The following TMED3 variants were observed in gnomAD, a reference collection of about 807,000 sequenced individuals.
TMED3 encodes the protein transmembrane p24 trafficking protein 3.
Under a neutral mutation model 15.0 loss-of-function variants are expected in TMED3, and 9 were observed. That is an observed-to-expected ratio of 0.60 (90% CI 0.36 to 1.04). The LOEUF is 1.04. TMED3 is among the 50% of genes least tolerant of loss of function. TMED3 has a pLI of 0.01. For missense variants in TMED3, 267 were observed against 278.9 expected (o/e 0.96, Z 0.30); for synonymous variants, 117 against 121.4 (o/e 0.96, Z 0.24).
intron 2 of TMED3, among the ~76,000 whole-genome samples, chr15:79,333,564 A>G (rs904694069): frequency 6.6e-6 from 1 of 152,212 alleles, no homozygotes; most frequent in Non-Finnish European, 1.5e-5. Flanking sequence ...GACCATAGGA[A>G]GAAATAGTCT....
chr15:79,353,558 C>A (rs1373914698), intron 2 of TMED3, among the ~76,000 whole-genome samples: 1 of 125,540 alleles, frequency 8.0e-6, no homozygotes, highest in Non-Finnish European at 1.6e-5. Context: ...CAGATTTTAA[C>A]CACTGGGGGT....
rs1220614918 is a variant in TMED3 at position 79,322,069 on chromosome 15, C to A, written c.509C>A (p.Ala170Asp). Residue 170 changes from alanine (A) to aspartate (D), a missense_variant, in exon 3 of 3, where the codon GCC becomes GAC. By Grantham distance (126) the Ala-to-Asp change is moderately radical (BLOSUM62 -2). Around this residue, in one of 3 missense-constraint regions of TMED3, gnomAD observed 139 missense variants for 125.0 expected, o/e 1.11. Coordinates refer to ENST00000299705, the MANE Select transcript of TMED3 (RefSeq NM_007364.4). ...HYRLREAQDRARAEDLNSRVS... is the reference protein window; with the variant it reads ...HYRLREAQDRDRAEDLNSRVS... ...CGGCTGCGGGAGGCCCAGGACCGGG[C>A]CCGAGCAGAAGACCTTAATAGCCGA... 4 of 1,614,222 alleles carry A rather than the reference C, an allele frequency of 2.5e-6. No individual in the cohort carries two copies. The Admixed American group carries it at 6.7e-5, about 27-fold the overall frequency.
At chr15:79,361,700 T>G (rs114755457) in intron 2 of TMED3, among the ~76,000 whole-genome samples, 1 of 121,910 alleles carries the variant, frequency 8.2e-6, no homozygotes, top group Non-Finnish European at 1.7e-5. Flanking sequence ...CAATAACTTA[T>G]GGAAATAAAA....
At chr15:79,387,416 C>A (rs1011920468) in intron 2 of TMED3, among the ~76,000 whole-genome samples, 2 of 152,158 alleles carry the variant, frequency 1.3e-5, no homozygotes, top group Non-Finnish European at 2.9e-5. Flanking sequence ...ATTTGTCAAT[C>A]CCTGTGCAAA....
intron 2 of TMED3, among the ~76,000 whole-genome samples, chr15:79,371,191 A>G (rs1029499387): frequency 6.6e-6 from 1 of 152,222 alleles, no homozygotes; most frequent in African/African-American, 2.4e-5. Flanking sequence ...AAAGGAATTG[A>G]TTAGGATGCA....
chr15:79,357,712 G>A (rs2058925108), intron 2 of TMED3, among the ~76,000 whole-genome samples: 3 of 151,964 alleles, frequency 2.0e-5, no homozygotes, highest in Non-Finnish European at 1.5e-5. Flanking sequence ...AGTCCACTCT[G>A]ATTTCAGTTG....
intron 2 of TMED3, among the ~76,000 whole-genome samples, chr15:79,400,331 G>T (rs564308702): frequency 6.6e-6 from 1 of 151,884 alleles, no homozygotes; most frequent in Non-Finnish European, 1.5e-5. Flanking sequence ...TGGCTTCTTC[G>T]GTGATCTGTA....
At chr15:79,348,284 A>G (rs904111546) in intron 2 of TMED3, among the ~76,000 whole-genome samples, 1 of 152,234 alleles carries the variant, frequency 6.6e-6, no homozygotes, top group Admixed American at 6.5e-5. Flanking sequence ...CAAAATGGTG[A>G]CACTTATCAA....
intron 2 of TMED3, chr15:79,383,078 G>A: frequency 6.6e-7 from 1 of 1,509,594 alleles, no homozygotes; most frequent in African/African-American, 1.4e-5. Context: ...TGCTCCACGG[G>A]ACATGGCTCT....
chr15:79,311,145 G>A lies in TMED3; in HGVS notation c.-105G>A, dbSNP rs1465111241. On this transcript the variant is annotated 5_prime_UTR_variant, in exon 1 of 3. Coordinates refer to ENST00000299705, the MANE Select transcript of TMED3 (RefSeq NM_007364.4). Reference sequence around the variant, plus strand: ...AAGCGCAGAGCTCCGCTGGTGCCACGTCTATCCCCTTACATCCTCCTAGGA... The same window carrying A: ...AAGCGCAGAGCTCCGCTGGTGCCACATCTATCCCCTTACATCCTCCTAGGA... The A allele has an allele frequency of 3.2e-5, 42 of 1,299,386 alleles. No individual in the cohort carries two copies. The highest frequency in any genetic ancestry group is 4.2e-5 in the Non-Finnish European group (41 of 979,424). 80.5% of individuals were successfully genotyped at this position (1,299,386 alleles called of 1,614,324 possible). A position where few individuals can be genotyped will look rare whatever the true frequency, so the allele number is the denominator to read the frequency against.
chr15:79,331,597 G>A (rs2141223682), intron 2 of TMED3, among the ~76,000 whole-genome samples: 1 of 135,134 alleles, frequency 7.4e-6, no homozygotes, highest in South Asian at 2.3e-4. Context: ...CACAGCAAAA[G>A]ACACAGAGTG....
intron 2 of TMED3, among the ~76,000 whole-genome samples, chr15:79,392,820 C>T (rs1893714260): frequency 6.6e-6 from 1 of 152,162 alleles, no homozygotes; most frequent in Admixed American, 6.5e-5. Context: ...CATTCAGTAC[C>T]ACCCTTATCT....
At position 79,311,221 on chromosome 15, in the gene TMED3, G is replaced by A. The variant is rs1402681039; in HGVS notation, c.-29G>A. The A allele has an allele frequency of 2.5e-6, 4 of 1,570,682 alleles. No individual in the cohort carries two copies. In the South Asian group the frequency reaches 4.6e-5, roughly 18 times the overall value. ...CCGCCGGGGGCGCAGCGCCCGAGCC[G>A]CGGCCCTCGAGACGGGACCGAGAGC... On this transcript the variant is annotated 5_prime_UTR_variant, in exon 1 of 3. Transcript: ENST00000299705.
chr15:79,329,865 A>G (rs780073771), intron 2 of TMED3, among the ~76,000 whole-genome samples: 78 of 152,366 alleles, frequency 5.1e-4, no homozygotes, highest in Non-Finnish European at 8.7e-4. Context: ...GCAGCATGAT[A>G]AATATACTCT....
At chr15:79,410,309 A>G (rs756656222) in intron 2 of TMED3, among the ~76,000 whole-genome samples, 1 of 152,218 alleles carries the variant, frequency 6.6e-6, no homozygotes, top group African/African-American at 2.4e-5. Flanking sequence ...CTAATTCAGG[A>G]TATTAATAAT....
At chr15:79,370,646 A>G (rs748250801) in intron 2 of TMED3, among the ~76,000 whole-genome samples, 2 of 152,022 alleles carry the variant, frequency 1.3e-5, no homozygotes, top group Non-Finnish European at 2.9e-5. Context: ...TCTGTGTCTG[A>G]TTTTATGACC....
intron 2 of TMED3, among the ~76,000 whole-genome samples, chr15:79,343,659 G>A (rs1026479529): frequency 5.3e-5 from 8 of 152,268 alleles, no homozygotes; most frequent in Middle Eastern, 3.4e-3. Context: ...AGGGAGTGAG[G>A]AGCTACTGCC....
At position 79,373,830 on chromosome 15, in the gene TMED3, G is replaced by T. The variant is rs1893383779; in HGVS notation, c.418-37570G>T. Among the ~76,000 whole-genome samples the T allele has an allele frequency of 2.6e-5, 4 of 152,288 alleles. No individual in the cohort carries two copies. The East Asian group carries it at 7.7e-4, about 29-fold the overall frequency. On this transcript the variant is annotated intron_variant, in intron 2 of 2. Transcript: ENST00000424155. ...GGAAAGACAGGACAACTCGAAGCAG[G>T]GGCTTACAGGTCATAGGTGGATTCA...
chr15:79,405,872 C>T (rs1316834826), intron 2 of TMED3, among the ~76,000 whole-genome samples: 2 of 152,202 alleles, frequency 1.3e-5, no homozygotes, highest in South Asian at 2.1e-4. Flanking sequence ...ATGTGTACTC[C>T]TGTCCTTCCC....
Sources: allele counts gnomAD v4.1 joint callset (sites outside exome capture counted in the v4.1 genomes callset), GRCh38; gene constraint gnomAD v4.1.1; regional missense constraint gnomAD v4.1.1; transcripts MANE v1.5; gene names NCBI Gene and HGNC (gene_info 2026-07-23, HGNC 2026-07-21).